ASCC1: variants seen among roughly 807,000 people sequenced by gnomAD.
ASCC1 encodes activating signal cointegrator 1 complex subunit 1.
In ASCC1, 35 loss-of-function variants were observed where a neutral mutation model predicts 46.6. The observed-to-expected ratio is 0.75, with a 90% CI of 0.57 to 0.99. The LOEUF (loss-of-function observed/expected upper bound fraction) is 0.99, where lower values mean the gene tolerates loss of function less well. ASCC1 is among the 50% of genes least tolerant of loss of function. The probability of loss-of-function intolerance (pLI) is 0.00; values close to 1 mark genes in which losing one functional copy is unlikely to be tolerated. For missense variants in ASCC1, 376 were observed against 428.7 expected (o/e 0.88, Z 1.09); for synonymous variants, 143 against 146.6 (o/e 0.98, Z 0.18).
chr10:72,116,717 G>C (rs1843533938), intron 9 of ASCC1, among the ~76,000 whole-genome samples: 1 of 152,080 alleles, frequency 6.6e-6, no homozygotes, highest in Non-Finnish European at 1.5e-5. Context: ...GCCTTTTATA[G>C]ATCTAGCATT....
intron 9 of ASCC1, among the ~76,000 whole-genome samples, chr10:72,100,429 G>A (rs1357994636): frequency 2.0e-5 from 3 of 152,088 alleles, no homozygotes; most frequent in Non-Finnish European, 4.4e-5. Flanking sequence ...GTTTCTCCAT[G>A]TTGGCCAGGC....
At chr10:72,165,447 A>T (rs965576772) in intron 5 of ASCC1, among the ~76,000 whole-genome samples, 2 of 152,242 alleles carry the variant, frequency 1.3e-5, no homozygotes, top group Non-Finnish European at 2.9e-5. Context: ...AACAGGAATG[A>T]AACAGGAATC....
intron 5 of ASCC1, among the ~76,000 whole-genome samples, chr10:72,195,150 T>TTG (rs1855198686): frequency 7.3e-6 from 1 of 137,372 alleles, no homozygotes; most frequent in African/African-American, 2.7e-5. Flanking sequence ...TTTTTTTTTT[T>TTG]TTTTTTTTTT....
At chr10:72,188,692 T>C (rs894008488) in intron 5 of ASCC1, among the ~76,000 whole-genome samples, 1 of 152,186 alleles carries the variant, frequency 6.6e-6, no homozygotes, top group Admixed American at 6.6e-5. Context: ...CAGTAAAGTA[T>C]AGCAGGAGTA....
chr10:72,119,755 A>T (rs1843966358), intron 9 of ASCC1, among the ~76,000 whole-genome samples: 1 of 152,038 alleles, frequency 6.6e-6, no homozygotes, highest in East Asian at 1.9e-4. Context: ...ATTTGAAGAG[A>T]CAGGGCAAAC....
intron 7 of ASCC1, among the ~76,000 whole-genome samples, chr10:72,137,894 C>T (rs1027312933): frequency 7.3e-5 from 11 of 151,702 alleles, no homozygotes; most frequent in African/African-American, 2.7e-4. Context: ...GACAGGGTCT[C>T]ACTCTCTCAT....
At chr10:72,141,096 G>GATATAT (rs1476930832) in intron 7 of ASCC1, among the ~76,000 whole-genome samples, 1 of 151,500 alleles carries the variant, frequency 6.6e-6, no homozygotes, top group Non-Finnish European at 1.5e-5. Context: ...TATAGATATA[G>GATATAT]ACATAGAGAT....
intron 6 of ASCC1, among the ~76,000 whole-genome samples, chr10:72,158,458 A>T (rs370060303): frequency 6.8e-4 from 103 of 152,306 alleles, no homozygotes; most frequent in African/African-American, 2.2e-3. Context: ...TGTGTCCTAC[A>T]TCTCACAAAG....
At chr10:72,100,745 C>G (rs1841658202) in intron 9 of ASCC1, among the ~76,000 whole-genome samples, 1 of 151,898 alleles carries the variant, frequency 6.6e-6, no homozygotes, top group African/African-American at 2.4e-5. Context: ...TCTAATGACT[C>G]ACTAAAATAT....
upstream of ASCC1, chr10:72,216,846 T>C (rs1336670031): frequency 1.1e-5 from 5 of 456,212 alleles, no homozygotes; most frequent in East Asian, 3.5e-4. Context: ...CCCAGGATAC[T>C]TCATCATCAG....
intron 7 of ASCC1, among the ~76,000 whole-genome samples, chr10:72,137,320 A>G (rs1846358687): frequency 6.6e-6 from 1 of 152,014 alleles, no homozygotes; most frequent in African/African-American, 2.4e-5. Context: ...CGAGGTCAGA[A>G]GTTCGAGATC....
intron 4 of ASCC1, among the ~76,000 whole-genome samples, chr10:72,201,501 A>G (rs921109522): frequency 6.6e-6 from 1 of 151,872 alleles, no homozygotes; most frequent in African/African-American, 2.4e-5. Flanking sequence ...CCTGGGCAAC[A>G]TAGCAAGACC....
chr10:72,163,938 C>T (rs1038725123), intron 5 of ASCC1, among the ~76,000 whole-genome samples: 9 of 151,964 alleles, frequency 5.9e-5, no homozygotes, highest in East Asian at 1.9e-4. Context: ...AAAAGCATTC[C>T]ATATCCATTT....
intron 8 of ASCC1, 86 bp from the exon 9 acceptor site, chr10:72,128,253 G>A: frequency 8.4e-7 from 1 of 1,185,784 alleles, no homozygotes; most frequent in Non-Finnish European, 1.3e-6. Flanking sequence ...GGTACGACTA[G>A]CAAAATTTTC....
chr10:72,137,266 C>T (rs1430267971), intron 7 of ASCC1, among the ~76,000 whole-genome samples: 1 of 151,692 alleles, frequency 6.6e-6, no homozygotes, highest in African/African-American at 2.4e-5. Flanking sequence ...CAGTGGCTCA[C>T]GCCTGTAATC....
Position 72,196,886 on chromosome 10 carries a change from G to C in ASCC1, c.414C>G (p.Ala138=). 1 of 1,613,560 alleles carries C rather than the reference G, an allele frequency of 6.2e-7. No individual in the cohort carries two copies. The highest frequency in any genetic ancestry group is 1.7e-5 in the Admixed American group (1 of 60,000). ...RRKQPFTHFL[A]FFLNEVEVQE... The stretch of plus-strand genomic sequence containing the variant: ...GAACCTCAACTTCATTGAGGAAAAA[G>C]GCAAGGAAGTGAGTGAAGGGCTGCT... The change falls in exon 5 of 10, where the codon GCC becomes GCG. Residue 138 remains alanine, a synonymous_variant. Transcript: ENST00000672957.
At chr10:72,181,714 C>T (rs1852652322) in intron 5 of ASCC1, among the ~76,000 whole-genome samples, 2 of 151,574 alleles carry the variant, frequency 1.3e-5, no homozygotes, top group South Asian at 2.1e-4. Flanking sequence ...CTGAGATGGT[C>T]TCACTCTGTT....
rs765342159 is a variant in ASCC1, at chr10:72,097,187, C to T, written c.*147G>A. On this transcript the variant is annotated 3_prime_UTR_variant, in exon 10 of 10. Transcript: ENST00000672957. ...CTGGTAGTATGACGGGTGTAGACAC[C>T]ATTAGAGGCAATGGTGAATCTATGG... 5.4e-6 allele frequency: 4 copies of T among 740,466 alleles called. No homozygotes were observed. The highest frequency in any genetic ancestry group is 1.7e-5 in the Admixed American group (1 of 57,534). The allele number at this position is 740,466 out of a possible 1,614,324, so 45.9% of individuals were successfully genotyped here.
chr10:72,132,603 C>G (rs1172257035), intron 8 of ASCC1, among the ~76,000 whole-genome samples: 1 of 152,096 alleles, frequency 6.6e-6, no homozygotes, highest in East Asian at 1.9e-4. Flanking sequence ...CTCCAGCTCC[C>G]TAACTATGAT....
Sources: allele counts gnomAD v4.1 joint callset (sites outside exome capture counted in the v4.1 genomes callset), GRCh38; gene constraint gnomAD v4.1.1; transcripts MANE v1.5; gene names NCBI Gene and HGNC (gene_info 2026-07-23, HGNC 2026-07-21).